TBC1D5: variants seen among roughly 807,000 people sequenced by gnomAD.
TBC1D5 encodes the protein TBC1 domain family member 5, also known as TBC1 domain family, member 5.
In TBC1D5, 75 loss-of-function variants were observed where a neutral mutation model predicts 100.3. That is an observed-to-expected ratio of 0.75 (90% CI 0.62 to 0.91). The LOEUF (loss-of-function observed/expected upper bound fraction) is 0.91, where lower values mean the gene tolerates loss of function less well. Among genes scored for constraint, TBC1D5 ranks in the 40% least tolerant of loss-of-function variants. The probability of loss-of-function intolerance (pLI) is 0.00; values close to 1 mark genes in which losing one functional copy is unlikely to be tolerated. For synonymous variants in TBC1D5, 323 were observed against 325.6 expected, an observed-to-expected ratio of 0.99 and a Z score of 0.09; for missense variants, 910 against 942.4, an observed-to-expected ratio of 0.97 and a Z score of 0.45.
At chr3:17,180,014 G>T (rs972730051) in intron 19 of TBC1D5, among the ~76,000 whole-genome samples, 14 of 152,148 alleles carry the variant, frequency 9.2e-5, no homozygotes, top group African/African-American at 3.4e-4. Context: ...GTGAAGTACG[G>T]CATATCTAAA....
At chr3:17,620,499 A>G (rs1394567207) in intron 2 of TBC1D5, among the ~76,000 whole-genome samples, 2 of 152,230 alleles carry the variant, frequency 1.3e-5, no homozygotes, top group Non-Finnish European at 2.9e-5. Flanking sequence ...CTACAAACTT[A>G]TATGAGGTAA....
chr3:17,321,298 A>C (rs1045639475), intron 13 of TBC1D5, among the ~76,000 whole-genome samples: 1 of 152,182 alleles, frequency 6.6e-6, no homozygotes, highest in African/African-American at 2.4e-5. Flanking sequence ...TCCTGGCCTC[A>C]AGCCTCCCAA....
At chr3:17,563,957 T>C (rs969062165) in intron 2 of TBC1D5, among the ~76,000 whole-genome samples, 53 of 152,158 alleles carry the variant, frequency 3.5e-4, no homozygotes, top group African/African-American at 1.3e-3. Flanking sequence ...TAATTTTTTG[T>C]ATTTTTAGTA....
At chr3:17,525,216 G>A (rs1360132341) in intron 2 of TBC1D5, among the ~76,000 whole-genome samples, 1 of 151,840 alleles carries the variant, frequency 6.6e-6, no homozygotes. Flanking sequence ...TGCAACCTCC[G>A]ACCCCAAGGT....
At chr3:17,376,492 A>C (rs2092713700) in intron 10 of TBC1D5, 33 bp downstream of exon 10, 2 of 1,569,724 alleles carry the variant, frequency 1.3e-6, no homozygotes, top group African/African-American at 2.8e-5. Context: ...GGGCTAAAAA[A>C]CAAATGGAGC....
At chr3:17,175,810 A>T (rs1302780183) in intron 19 of TBC1D5, among the ~76,000 whole-genome samples, 5 of 152,218 alleles carry the variant, frequency 3.3e-5, no homozygotes, top group Admixed American at 3.3e-4. Context: ...AGTGAGTAAA[A>T]GTTAAGTGCC....
chr3:17,420,316 C>G (rs992593495), intron 4 of TBC1D5, among the ~76,000 whole-genome samples: 4 of 151,742 alleles, frequency 2.6e-5, no homozygotes, highest in African/African-American at 4.8e-5. Flanking sequence ...CAACTTTGTG[C>G]CAAAAGACAA....
chr3:17,350,231 A>G (rs963133759), intron 13 of TBC1D5, among the ~76,000 whole-genome samples: 2 of 152,130 alleles, frequency 1.3e-5, no homozygotes, highest in Non-Finnish European at 2.9e-5. Context: ...TCCCCAAAAG[A>G]AAGAAATAAT....
intron 1 of TBC1D5, among the ~76,000 whole-genome samples, chr3:17,635,246 T>C (rs2153684529): frequency 6.6e-6 from 1 of 152,262 alleles, no homozygotes; most frequent in South Asian, 2.1e-4. Flanking sequence ...GAGATGACAC[T>C]CAGATAGCTA....
At chr3:17,371,951 C>T (rs944002539) in intron 13 of TBC1D5, 124 bp downstream of exon 13, 19 of 826,080 alleles carry the variant, frequency 2.3e-5, no homozygotes, top group Middle Eastern at 3.5e-4. Flanking sequence ...ATGGGAGGAT[C>T]GCTTGAGCCC....
intron 12 of TBC1D5, among the ~76,000 whole-genome samples, 178 bp downstream of exon 12, chr3:17,374,293 C>G (rs767171348): frequency 2.0e-5 from 3 of 152,052 alleles, no homozygotes; most frequent in Non-Finnish European, 4.4e-5. Flanking sequence ...CTTTGTGTAT[C>G]TGCCAATATG....
chr3:17,697,061 A>C (rs2153837589), intron 1 of TBC1D5, among the ~76,000 whole-genome samples: 1 of 152,388 alleles, frequency 6.6e-6, no homozygotes, highest in South Asian at 2.1e-4. Context: ...ACAGTATTTC[A>C]TGCTAAAAAC....
At chr3:17,566,203 G>A (rs1055714956) in intron 2 of TBC1D5, among the ~76,000 whole-genome samples, 3 of 151,962 alleles carry the variant, frequency 2.0e-5, no homozygotes, top group Non-Finnish European at 4.4e-5. Context: ...AAGAGTTCAT[G>A]GATTACACAT....
chr3:17,251,701 A>AT (rs1375570818), intron 16 of TBC1D5, among the ~76,000 whole-genome samples: 10 of 152,238 alleles, frequency 6.6e-5, no homozygotes, highest in African/African-American at 1.9e-4. Context: ...TTAGTGATAG[A>AT]TTTTCCATTA....
chr3:17,449,409 G>A (rs1220717624), intron 3 of TBC1D5, among the ~76,000 whole-genome samples: 3 of 152,172 alleles, frequency 2.0e-5, no homozygotes, highest in Non-Finnish European at 4.4e-5. Flanking sequence ...TGGAATGGGT[G>A]CTGAAGCCAG....
intron 3 of TBC1D5, among the ~76,000 whole-genome samples, chr3:17,449,157 T>G (rs2149682516): frequency 6.6e-6 from 1 of 152,272 alleles, no homozygotes; most frequent in East Asian, 1.9e-4. Flanking sequence ...CTCCCCTAGC[T>G]AAGGGAAGCC....
At chr3:17,208,729 T>C (rs1259976493) in intron 18 of TBC1D5, among the ~76,000 whole-genome samples, 1 of 152,198 alleles carries the variant, frequency 6.6e-6, no homozygotes, top group African/African-American at 2.4e-5. Context: ...AGTACCATCA[T>C]AAAGAAAAGT....
At chr3:17,637,715 C>G (rs2064097224) in intron 1 of TBC1D5, among the ~76,000 whole-genome samples, 1 of 152,088 alleles carries the variant, frequency 6.6e-6, no homozygotes, top group South Asian at 2.1e-4. Flanking sequence ...ATAAAAAACA[C>G]TGACAATATC....
At chr3:17,426,893 CTTGT>C (rs1215928602) in intron 4 of TBC1D5, among the ~76,000 whole-genome samples, 3 of 151,738 alleles carry the variant, frequency 2.0e-5, no homozygotes, top group African/African-American at 7.2e-5. Context: ...ATTTTTTTGT[CTTGT>C]TTATGTTTAA....
Sources: allele counts gnomAD v4.1 joint callset (sites outside exome capture counted in the v4.1 genomes callset), GRCh38; gene constraint gnomAD v4.1.1; transcripts MANE v1.5; gene names NCBI Gene and HGNC (gene_info 2026-07-23, HGNC 2026-07-21).